Variants in SND1 observed in about 807,000 individuals in gnomAD.
SND1 encodes staphylococcal nuclease domain-containing protein 1.
Under a neutral mutation model 121.7 loss-of-function variants are expected in SND1, and 38 were observed. The ratio of observed to expected loss-of-function variants is 0.31; its 90% CI spans 0.24 to 0.41. The LOEUF (loss-of-function observed/expected upper bound fraction) is 0.41, where lower values mean the gene tolerates loss of function less well. Among genes scored for constraint, SND1 ranks in the 10% least tolerant of loss-of-function variants. SND1 has a pLI of 1.00. For missense variants in SND1, 868 were observed against 1,184.6 expected (o/e 0.73, Z 3.92); for synonymous variants, 401 against 447.4 (o/e 0.90, Z 1.31).
At chr7:127,918,951 T>C (rs1800643827) in intron 14 of SND1, among the ~76,000 whole-genome samples, 1 of 152,210 alleles carries the variant, frequency 6.6e-6, no homozygotes, top group African/African-American at 2.4e-5. Flanking sequence ...TTTTAATTAG[T>C]AATAAATTTC....
intron 15 of SND1, among the ~76,000 whole-genome samples, chr7:127,987,291 T>C (rs1435540893): frequency 6.6e-6 from 1 of 152,236 alleles, no homozygotes; most frequent in African/African-American, 2.4e-5. Flanking sequence ...TCATCTGTTT[T>C]CTTTAACTTT....
At chr7:127,856,910 C>T (rs1301985847) in intron 12 of SND1, among the ~76,000 whole-genome samples, 2 of 152,096 alleles carry the variant, frequency 1.3e-5, no homozygotes, top group African/African-American at 4.8e-5. Flanking sequence ...AGAAATTTCC[C>T]TCTGAAATGT....
In SND1 at chr7:127,753,743, A is replaced by G. The variant is rs145610402; in HGVS notation, c.1152+32343A>G. Among the ~76,000 whole-genome samples the G allele has an allele frequency of 1.2e-4, 18 of 152,248 alleles. No homozygotes were observed. The East Asian group carries it at 2.9e-3, about 24-fold the overall frequency. On this transcript the variant is annotated intron_variant, in intron 10 of 23. Coordinates refer to ENST00000354725, the MANE Select transcript of SND1 (RefSeq NM_014390.4). ...TATTGTGTTCATTAGAGCACTGTCT[A>G]TTATTTCCTGCCTTCTTTGGGCTCT...
intron 15 of SND1, among the ~76,000 whole-genome samples, chr7:127,935,773 G>A (rs1409005660): frequency 1.3e-5 from 2 of 152,196 alleles, no homozygotes; most frequent in East Asian, 1.9e-4. Context: ...TGTAAGTGTG[G>A]CATTCTGCTG....
At chr7:127,868,497 C>T (rs987920125) in intron 12 of SND1, among the ~76,000 whole-genome samples, 2 of 152,134 alleles carry the variant, frequency 1.3e-5, no homozygotes, top group Non-Finnish European at 2.9e-5. Context: ...AACAAATGCT[C>T]GTGTCCTTTC....
chr7:127,663,848 G>A (rs911910052), intron 1 of SND1, among the ~76,000 whole-genome samples: 2 of 152,206 alleles, frequency 1.3e-5, no homozygotes, highest in African/African-American at 4.8e-5. Flanking sequence ...AGATAGACAG[G>A]TGGAGGTGAG....
chr7:128,067,473 C>T (rs542982692), intron 16 of SND1, among the ~76,000 whole-genome samples: 4 of 152,266 alleles, frequency 2.6e-5, no homozygotes, highest in South Asian at 2.1e-4. Flanking sequence ...CACCCTGCTA[C>T]CTGGAAGAAC....
intron 16 of SND1, among the ~76,000 whole-genome samples, chr7:128,057,594 G>T (rs578206568): frequency 6.6e-6 from 1 of 152,210 alleles, no homozygotes; most frequent in East Asian, 1.9e-4. Flanking sequence ...CATCCTTCCA[G>T]TCAGGAAGCC....
intron 10 of SND1, among the ~76,000 whole-genome samples, chr7:127,723,569 ATAAGT>A (rs1009818424): frequency 1.3e-5 from 2 of 152,224 alleles, no homozygotes; most frequent in African/African-American, 4.8e-5. Context: ...CACGTAAGAA[ATAAGT>A]TAATATAATG....
intron 11 of SND1, among the ~76,000 whole-genome samples, chr7:127,830,701 A>G (rs902020673): frequency 3.3e-5 from 5 of 152,156 alleles, no homozygotes; most frequent in Admixed American, 2.6e-4. Context: ...CTCATTATCA[A>G]TGGGAATATG....
chr7:127,697,514 C>A (rs1351104910), intron 3 of SND1, among the ~76,000 whole-genome samples: 1 of 152,150 alleles, frequency 6.6e-6, no homozygotes, highest in Non-Finnish European at 1.5e-5. Flanking sequence ...CTCAATTTTC[C>A]CTTAATTGTT....
intron 10 of SND1, among the ~76,000 whole-genome samples, chr7:127,797,093 A>G (rs1230087691): frequency 2.0e-5 from 3 of 152,042 alleles, no homozygotes; most frequent in South Asian, 2.1e-4. Flanking sequence ...GGGTTTCACC[A>G]TGCTGGTCAG....
rs149579943 is a variant in SND1 at position 127,975,186 on chromosome 7, C to T, written c.1670-15761C>T. The stretch of plus-strand genomic sequence containing the variant: ...ACAAACCATACAGCTTTTCAGACTC[C>T]CCAAATTTCCCTACAAGGACGTGCA... On this transcript the variant is annotated intron_variant, in intron 15 of 23. Coordinates refer to ENST00000354725, the MANE Select transcript of SND1 (RefSeq NM_014390.4). Among the ~76,000 whole-genome samples the T allele has an allele frequency of 2.9e-3, 442 of 152,214 alleles. 2 individuals carry two copies. Among genetic ancestry groups the T allele is most frequent in the African/African-American group, 0.01 (426 of 41,530 alleles).
chr7:128,056,683 G>A (rs1017457967), intron 16 of SND1, among the ~76,000 whole-genome samples: 8 of 152,120 alleles, frequency 5.3e-5, no homozygotes, highest in Non-Finnish European at 1.2e-4. Context: ...AATACAGGGT[G>A]GTACAGTAGT....
At chr7:128,031,330 C>T (rs929341859) in intron 16 of SND1, among the ~76,000 whole-genome samples, 1 of 151,804 alleles carries the variant, frequency 6.6e-6, no homozygotes, top group Non-Finnish European at 1.5e-5. Context: ...GGGCCGCCGC[C>T]GGAGGGAGTG....
chr7:127,720,704 C>T (rs1298862543), intron 9 of SND1, among the ~76,000 whole-genome samples: 2 of 152,216 alleles, frequency 1.3e-5, no homozygotes, highest in African/African-American at 4.8e-5. Flanking sequence ...AGGTGGCTTT[C>T]AGAGTATCTG....
At chr7:127,961,072 A>C (rs1196632304) in intron 15 of SND1, among the ~76,000 whole-genome samples, 1 of 152,234 alleles carries the variant, frequency 6.6e-6, no homozygotes, top group East Asian at 1.9e-4. Context: ...GAGGGCATTA[A>C]TTAAATACAG....
Position 128,085,385 on chromosome 7 carries a change from C to G in SND1, c.2235-326C>G, listed in dbSNP as rs1363601990. On this transcript the variant is annotated intron_variant, in intron 19 of 23. Transcript: ENST00000354725. This position sits in a 1 kb window ranked among gnomAD's most constrained non-coding sequence, Gnocchi z 4.4. ...GCGGCCTCCCAGGCAGATCTGCTGG[C>G]TAATTACAGCTGCTGTTTAGTGCAC... Among the ~76,000 whole-genome samples the G allele has an allele frequency of 6.6e-6, 1 of 152,212 alleles. No homozygotes were observed. The highest frequency in any genetic ancestry group is 1.5e-5 in the Non-Finnish European group (1 of 68,030).
intron 15 of SND1, among the ~76,000 whole-genome samples, chr7:127,934,957 A>T (rs1406740854): frequency 2.6e-5 from 4 of 152,216 alleles, no homozygotes; most frequent in Non-Finnish European, 4.4e-5. Context: ...GCAGTAAGAC[A>T]GTCATGAGAT....
Sources: allele counts gnomAD v4.1 joint callset (sites outside exome capture counted in the v4.1 genomes callset), GRCh38; gene constraint gnomAD v4.1.1; non-coding constraint Gnocchi (gnomAD v3.1); transcripts MANE v1.5; gene names NCBI Gene and HGNC (gene_info 2026-07-23, HGNC 2026-07-21).